WDR26: variants seen among roughly 807,000 people sequenced by gnomAD.
WDR26 encodes WD repeat-containing protein 26.
WDR26 carries 5 observed loss-of-function variants against 84.1 expected under a neutral mutation model. The observed-to-expected ratio is 0.06, with a 90% CI of 0.03 to 0.13. WDR26 has a LOEUF of 0.13. Among genes scored for constraint, WDR26 ranks in the 10% least tolerant of loss-of-function variants. The pLI is 1.00. For synonymous variants in WDR26, 415 were observed against 389.6 expected, an observed-to-expected ratio of 1.07 and a Z score of -0.77; for missense variants, 642 against 974.9, an observed-to-expected ratio of 0.66 and a Z score of 4.55.
intron 1 of WDR26, among the ~76,000 whole-genome samples, chr1:224,433,185 C>T (rs1049790041): frequency 6.6e-6 from 1 of 152,172 alleles, no homozygotes; most frequent in African/African-American, 2.4e-5. Context: ...GATTGTCTTT[C>T]CTGATTGGTA....
Position 224,421,539 on chromosome 1 carries a change from G to A in WDR26, c.1065-1924C>T, listed in dbSNP as rs375168626. ...CAGGAGGTGGAGGTTGCAGTGAGCC[G>A]AGATTGCGCCACTACACTGCAGCAT... On this transcript the variant is annotated intron_variant, in intron 4 of 13. Transcript: ENST00000414423. Among the ~76,000 whole-genome samples, 73 of 152,280 alleles carry A rather than the reference G, an allele frequency of 4.8e-4. No homozygotes were observed. In the South Asian group the frequency reaches 0.014, roughly 29 times the overall value.
intron 6 of WDR26, chr1:224,413,404 G>T: frequency 2.7e-6 from 2 of 738,558 alleles, no homozygotes; most frequent in Non-Finnish European, 3.7e-6. Context: ...ATCTACCTTA[G>T]CAGATGGGTA....
chr1:224,411,279 T>C, intron 7 of WDR26, 148 bp downstream of exon 7: 6 of 781,010 alleles, frequency 7.7e-6, no homozygotes, highest in Non-Finnish European at 1.1e-5. Flanking sequence ...ATATATTATC[T>C]ATACAACACA....
rs1673020871 is a variant in WDR26, at chr1:224,387,714, A to G, written c.*2121T>C. The G allele has an allele frequency of 6.6e-6, 1 of 152,526 alleles. No homozygotes were observed. The highest frequency in any genetic ancestry group is 2.4e-5 in the African/African-American group (1 of 41,412). The allele number at this position is 152,526 out of a possible 1,614,324, so 9.4% of individuals were successfully genotyped here. ...ATTTGTAAACAGCTGTGGAGTTTCT[A>G]TGCCCACATTTAGTGATGTTACCAT... is the stretch of plus-strand genomic sequence containing the variant. On this transcript the variant is annotated 3_prime_UTR_variant, in exon 14 of 14. Transcript: ENST00000414423.
chr1:224,393,741 A>C, intron 13 of WDR26, 87 bp downstream of exon 13: 2 of 1,149,844 alleles, frequency 1.7e-6, no homozygotes, highest in Middle Eastern at 3.1e-4. Context: ...ACTTTAAATA[A>C]ACTTGCTTAA....
chr1:224,393,785 T>G (rs772389649), intron 13 of WDR26, 43 bp downstream of exon 13: 2 of 1,427,168 alleles, frequency 1.4e-6, no homozygotes, highest in Admixed American at 2.1e-5. Context: ...CCGAGTGATG[T>G]TTCATTTGGA....
rs1056599916 is a variant in WDR26, at chr1:224,385,301, G to A, written c.*4534C>T. 2 of 152,094 alleles carry A rather than the reference G, an allele frequency of 1.3e-5. No individual in the cohort carries two copies. The highest frequency in any genetic ancestry group is 2.9e-5 in the Non-Finnish European group (2 of 68,016). The allele number at this position is 152,094 out of a possible 1,614,324, so 9.4% of individuals were successfully genotyped here. A position where few individuals can be genotyped will look rare whatever the true frequency, so the allele number is the denominator to read the frequency against. ...TTCAGTTGAACAAAAATTTAAAGAC[G>A]TTTAATACATTACACATTTATAAAA... On this transcript the variant is annotated 3_prime_UTR_variant, in exon 14 of 14. Transcript: ENST00000414423.
chr1:224,427,529 A>G (rs1002579634), intron 3 of WDR26, among the ~76,000 whole-genome samples: 3 of 152,182 alleles, frequency 2.0e-5, no homozygotes, highest in African/African-American at 7.2e-5. Context: ...ATATAAACAC[A>G]TATTTCTGTA....
chr1:224,423,759 G>A (rs1235686726), intron 4 of WDR26, among the ~76,000 whole-genome samples: 1 of 152,194 alleles, frequency 6.6e-6, no homozygotes, highest in Non-Finnish European at 1.5e-5. Flanking sequence ...TCCAAGTGGA[G>A]AATGTCAGGT....
At position 224,386,519 on chromosome 1, in the gene WDR26, C is replaced by G. The variant is rs1672995070; in HGVS notation, c.*3316G>C. ...ACCAACATCCTAAAAAAGAAAATGT[C>G]AAGATGGGGAGGGGTGGGAAAGAAG... On this transcript the variant is annotated 3_prime_UTR_variant, in exon 14 of 14. Transcript: ENST00000414423. 6.6e-6 allele frequency: 1 copy of G among 152,312 alleles called. No homozygotes were observed. The highest frequency in any genetic ancestry group is 1.5e-5 in the Non-Finnish European group (1 of 67,982). 9.4% of individuals were successfully genotyped at this position (152,312 alleles called of 1,614,324 possible).
intron 13 of WDR26, among the ~76,000 whole-genome samples, chr1:224,390,675 A>G (rs886949017): frequency 6.6e-6 from 1 of 152,138 alleles, no homozygotes; most frequent in Admixed American, 6.5e-5. Context: ...GCAACCATTT[A>G]AAGTGTACAC....
chr1:224,419,463 T>C (rs1673994153), intron 5 of WDR26, 55 bp downstream of exon 5: 2 of 1,283,748 alleles, frequency 1.6e-6, no homozygotes, highest in East Asian at 4.6e-5. Flanking sequence ...TTGATCACTG[T>C]ATCCATTTGT....
intron 3 of WDR26, chr1:224,431,240 C>A: frequency 7.4e-6 from 3 of 406,386 alleles, no homozygotes; most frequent in Non-Finnish European, 9.0e-6. Context: ...GCATGAAGAG[C>A]TTTCAATATA....
intron 1 of WDR26, 62 bp downstream of exon 1, chr1:224,433,622 A>ACCCCCCCCCCCCCCC: frequency 1.2e-6 from 1 of 852,366 alleles, no homozygotes; most frequent in Non-Finnish European, 1.4e-6. Flanking sequence ...CCCTTCCCCT[A>ACCCCCCCCCCCCCCC]CCCCCCTGGA....
intron 6 of WDR26, among the ~76,000 whole-genome samples, chr1:224,415,453 CTTTTTT>C (rs149995544): frequency 1.8e-4 from 15 of 82,348 alleles, no homozygotes; most frequent in African/African-American, 4.9e-4. Flanking sequence ...GTATTTCTTT[CTTTTTT>C]TTTTTTTTTT....
chr1:224,389,954 T>G, intron 13 of WDR26, 94 bp from the exon 14 acceptor site: 2 of 939,150 alleles, frequency 2.1e-6, no homozygotes, highest in Non-Finnish European at 3.2e-6. Context: ...GTTTCAAAAT[T>G]AGCATTATGA....
chr1:224,394,882 T>C (rs1033038643), intron 12 of WDR26, among the ~76,000 whole-genome samples: 3 of 152,196 alleles, frequency 2.0e-5, no homozygotes, highest in Non-Finnish European at 4.4e-5. Context: ...AAAGTTGGGA[T>C]TCAAATCCAG....
At chr1:224,403,043 T>C (rs1232267720) in intron 8 of WDR26, among the ~76,000 whole-genome samples, 1 of 152,080 alleles carries the variant, frequency 6.6e-6, no homozygotes, top group African/African-American at 2.4e-5. Context: ...ATATATGTAA[T>C]ATATATGTAA....
intron 13 of WDR26, 39 bp downstream of exon 13, chr1:224,393,788 CA>C: frequency 1.4e-6 from 2 of 1,427,644 alleles, no homozygotes; most frequent in Non-Finnish European, 1.9e-6. Context: ...AGTGATGTTT[CA>C]TTTGGACAAA....
Sources: gnomAD v4.1 joint callset for allele counts (sites outside exome capture counted in the v4.1 genomes callset) on GRCh38, gnomAD v4.1.1 for gene constraint, MANE v1.5 for transcripts, NCBI Gene and HGNC (gene_info 2026-07-23, HGNC 2026-07-21) for gene names.